Variants in TMEM131 observed in about 807,000 individuals in gnomAD.
The protein encoded by TMEM131 is 2610524E03Rik.
Under a neutral mutation model 211.6 loss-of-function variants are expected in TMEM131, and 66 were observed. That is an observed-to-expected ratio of 0.31 (90% CI 0.26 to 0.38). The LOEUF is 0.38. TMEM131 is among the 10% of genes least tolerant of loss of function. TMEM131 has a pLI of 1.00. For synonymous variants in TMEM131, 844 were observed against 841.3 expected (o/e 1.00, Z -0.06); for missense variants, 2,036 against 2,299.3 (o/e 0.89, Z 2.34).
At chr2:97,971,780 T>C (rs1283028656) in intron 1 of TMEM131, among the ~76,000 whole-genome samples, 1 of 152,190 alleles carries the variant, frequency 6.6e-6, no homozygotes, top group Non-Finnish European at 1.5e-5. Context: ...GAGGATTGCT[T>C]GAGCCCCAGA....
chr2:97,863,333 T>A (rs1674143546), intron 4 of TMEM131, among the ~76,000 whole-genome samples: 1 of 152,002 alleles, frequency 6.6e-6, no homozygotes, highest in South Asian at 2.1e-4. Flanking sequence ...GACGTTGGAG[T>A]GGGCACAGAT....
At chr2:97,887,543 T>C (rs1675211985) in intron 4 of TMEM131, among the ~76,000 whole-genome samples, 1 of 151,944 alleles carries the variant, frequency 6.6e-6, no homozygotes, top group Admixed American at 6.6e-5. Flanking sequence ...CTCTCCTGCT[T>C]GGGGGAGGGT....
chr2:97,874,369 G>A (rs1331206403), intron 4 of TMEM131, among the ~76,000 whole-genome samples: 1 of 152,154 alleles, frequency 6.6e-6, no homozygotes, highest in Non-Finnish European at 1.5e-5. Flanking sequence ...AGGAAATACA[G>A]AGAACAGCAC....
intron 1 of TMEM131, among the ~76,000 whole-genome samples, chr2:97,940,341 T>C (rs1416557562): frequency 2.6e-5 from 4 of 152,162 alleles, no homozygotes; most frequent in Non-Finnish European, 5.9e-5. Flanking sequence ...ACAAAATCAA[T>C]GTGCAAAAAT....
intron 4 of TMEM131, among the ~76,000 whole-genome samples, chr2:97,878,098 A>C (rs1674772510): frequency 6.6e-6 from 1 of 152,256 alleles, no homozygotes; most frequent in Admixed American, 6.5e-5. Context: ...CATATGAAAA[A>C]ATGCTCATCA....
chr2:97,796,748 C>T, intron 27 of TMEM131, 96 bp downstream of exon 27: 2 of 1,233,102 alleles, frequency 1.6e-6, no homozygotes, highest in Non-Finnish European at 2.3e-6. Context: ...CTAATATACA[C>T]AGGTGCACAT....
In TMEM131 at chr2:97,761,006, G is replaced by C. The variant is rs940804812; in HGVS notation, c.4890-92C>G. ...GCTGGCAGGACTGAGCCCTGAGTGGGCTTCTCTGCAGCGGGGCAGCTCACA... is the reference window on the plus strand; with the variant it reads ...GCTGGCAGGACTGAGCCCTGAGTGGCCTTCTCTGCAGCGGGGCAGCTCACA... On this transcript the variant is annotated intron_variant, in intron 36 of 40. Transcript: ENST00000186436. The C allele has an allele frequency of 6.4e-5, 99 of 1,541,654 alleles. No individual in the cohort carries two copies. The East Asian group carries it at 2.2e-3, about 35-fold the overall frequency.
At chr2:97,838,048 G>A (rs576635740) in intron 7 of TMEM131, among the ~76,000 whole-genome samples, 57 of 152,248 alleles carry the variant, frequency 3.7e-4, no homozygotes, top group Non-Finnish European at 7.2e-4. Flanking sequence ...CTTTGTTTAT[G>A]CATTAATAGT....
intron 8 of TMEM131, 57 bp from the exon 9 acceptor site, chr2:97,834,982 A>AT: frequency 3.2e-6 from 5 of 1,583,126 alleles, no homozygotes; most frequent in Non-Finnish European, 4.3e-6. Flanking sequence ...CAAAACCACC[A>AT]TTTTTTATTG....
chr2:97,804,036 GT>G (rs1471099661), intron 22 of TMEM131, among the ~76,000 whole-genome samples: 1 of 151,468 alleles, frequency 6.6e-6, no homozygotes, highest in Non-Finnish European at 1.5e-5. Flanking sequence ...ATAGCAGAGA[GT>G]TCAGATAAAC....
At chr2:97,771,968 T>C (rs1679488351) in intron 33 of TMEM131, among the ~76,000 whole-genome samples, 1 of 152,240 alleles carries the variant, frequency 6.6e-6, no homozygotes, top group South Asian at 2.1e-4. Context: ...TGTGGTTCAA[T>C]CGTCAAGGTC....
At chr2:97,804,665 A>C (rs1230677405) in intron 22 of TMEM131, among the ~76,000 whole-genome samples, 1 of 151,710 alleles carries the variant, frequency 6.6e-6, no homozygotes, top group Admixed American at 6.6e-5. Flanking sequence ...TTCTTTTCAC[A>C]ATAAGAAAAC....
Position 97,766,492 on chromosome 2 carries a change from G to A in TMEM131, c.4559C>T (p.Ala1520Val). The A allele has an allele frequency of 1.2e-6, 2 of 1,613,976 alleles. No homozygotes were observed. Among genetic ancestry groups the A allele is most frequent in the South Asian group, 1.1e-5 (1 of 91,082 alleles). Residue 1520 changes from alanine to valine, a missense_variant, in exon 34 of 41, where the codon GCC becomes GTC. Transcript: ENST00000186436. The part of the protein sequence containing the change: ...AMTSGSKSRN[A>V]QKTKGTSKLV... ...GATGACAATACCTTTTGTTTTCTGG[G>A]CATTTCGTGATTTGGATCCACTTGT...
Position 97,995,694 on chromosome 2 carries a change from T to C in TMEM131, c.-32A>G. ...CGGCCGGGGGCCGCCGCGCTCGAGG[T>C]CCGGCGCGGCCCTTCTCGGCGAGGC... On this transcript the variant is annotated 5_prime_UTR_variant, in exon 1 of 41. Coordinates refer to ENST00000186436, the MANE Select transcript of TMEM131 (RefSeq NM_015348.2). 1 of 1,185,936 alleles carries C rather than the reference T, an allele frequency of 8.4e-7. No individual in the cohort carries two copies. The highest frequency in any genetic ancestry group is 1.0e-6 in the Non-Finnish European group (1 of 957,798). The allele number at this position is 1,185,936 out of a possible 1,614,324, so 73.5% of individuals were successfully genotyped here.
chr2:97,832,079 A>C (rs1048168827), intron 11 of TMEM131, among the ~76,000 whole-genome samples: 2 of 150,144 alleles, frequency 1.3e-5, no homozygotes, highest in African/African-American at 4.9e-5. Context: ...TGCACCATAT[A>C]GGTATTAAGT....
In TMEM131 at chr2:97,757,274, A is replaced by G. The variant is rs1243338944; in HGVS notation, c.5477T>C (p.Leu1826Pro). The stretch of plus-strand genomic sequence containing the variant: ...TGTGCCCATGAGGCCGATGCTTGCC[A>G]GCGTGTTTGCTGGAGTGGTGAAGGG... ...ALPFTTPANTLASIGLMGTEN... is the reference protein window; with the variant it reads ...ALPFTTPANTPASIGLMGTEN... Residue 1826 changes from leucine to proline, a missense_variant, in exon 41 of 41, where the codon CTG becomes CCG. Leu to Pro is a moderately conservative substitution (Grantham distance 98, BLOSUM62 -3). Around this residue, in one of 3 missense-constraint regions of TMEM131, gnomAD observed 1,623 missense variants for 1,805.9 expected, o/e 0.90. Coordinates refer to ENST00000186436, the MANE Select transcript of TMEM131 (RefSeq NM_015348.2). The G allele has an allele frequency of 1.2e-6, 2 of 1,613,926 alleles. No homozygotes were observed. The highest frequency in any genetic ancestry group is 1.7e-6 in the Non-Finnish European group (2 of 1,179,874).
intron 31 of TMEM131, among the ~76,000 whole-genome samples, chr2:97,783,661 T>C (rs1466834625): frequency 6.6e-6 from 1 of 151,240 alleles, no homozygotes; most frequent in Non-Finnish European, 1.5e-5. Flanking sequence ...CAAAACAGAA[T>C]TCTAAAAAAT....
chr2:97,786,699 G>T (rs1212466373), intron 31 of TMEM131, among the ~76,000 whole-genome samples: 1 of 152,208 alleles, frequency 6.6e-6, no homozygotes, highest in Admixed American at 6.5e-5. Flanking sequence ...TGCTGTGCAT[G>T]TGGGGGTGAC....
At chr2:97,797,908 G>T (rs2104908705) in intron 25 of TMEM131, among the ~76,000 whole-genome samples, 1 of 152,308 alleles carries the variant, frequency 6.6e-6, no homozygotes, top group East Asian at 1.9e-4. Context: ...TGGAACCAAT[G>T]CCAGCACCCC....
Sources: allele counts gnomAD v4.1 joint callset (sites outside exome capture counted in the v4.1 genomes callset), GRCh38; gene constraint gnomAD v4.1.1; regional missense constraint gnomAD v4.1.1; transcripts MANE v1.5; gene names NCBI Gene and HGNC (gene_info 2026-07-23, HGNC 2026-07-21).